ZNF496: variants seen among roughly 807,000 people sequenced by gnomAD.
The protein encoded by ZNF496 is NSD1 (nuclear receptor binding SET-domain containing 1)-interacting zinc finger protein 1.
In ZNF496, 11 loss-of-function variants were observed where a neutral mutation model predicts 58.9. That is an observed-to-expected ratio of 0.19 (90% confidence interval 0.12 to 0.31). The LOEUF (loss-of-function observed/expected upper bound fraction) is 0.31, where lower values mean the gene tolerates loss of function less well. Ranked by LOEUF, ZNF496 falls within the 10% of genes least tolerant of loss-of-function variation. The probability of loss-of-function intolerance (pLI) is 1.00; values close to 1 mark genes in which losing one functional copy is unlikely to be tolerated. For synonymous variants in ZNF496, 338 were observed against 318.2 expected (o/e 1.06, Z -0.66); for missense variants, 660 against 783.0 (o/e 0.84, Z 1.88).
At position 247,309,374 on chromosome 1, in the gene ZNF496, A is replaced by G. The variant is rs146950883; in HGVS notation, c.892+325T>C. 4.4e-6 allele frequency: 5 copies of G among 1,149,126 alleles called. No individual in the cohort carries two copies. The highest frequency in any genetic ancestry group is 2.5e-5 in the South Asian group (1 of 39,582). 71.2% of individuals were successfully genotyped at this position (1,149,126 alleles called of 1,614,324 possible). A position where few individuals can be genotyped will look rare whatever the true frequency, so the allele number is the denominator to read the frequency against. On this transcript the variant is annotated intron_variant, in intron 8 of 9. Coordinates refer to ENST00000682384, the MANE Select transcript of ZNF496 (RefSeq NM_032752.3). This position sits in a 1 kb window ranked among gnomAD's most constrained non-coding sequence, Gnocchi z 4.3. ...CACTCCCTCTGCAACTAGGCTTGTC[A>G]TGAGTATCTGACTTCACTCCTGGAG...
Position 247,300,448 on chromosome 1 carries a change from T to G in ZNF496, c.*71A>C, listed in dbSNP as rs1005743808. 7 of 1,489,370 alleles carry G rather than the reference T, an allele frequency of 4.7e-6. No homozygotes were observed. In the South Asian group the frequency reaches 8.0e-5, roughly 17 times the overall value. 92.3% of individuals were successfully genotyped at this position (1,489,370 alleles called of 1,614,324 possible). ...TATCCTGGGGAAGGTATGTCCTGGG[T>G]GGGGGCGCTGATCAGTACCAAGGTG... On this transcript the variant is annotated 3_prime_UTR_variant, in exon 10 of 10. Coordinates refer to ENST00000682384, the MANE Select transcript of ZNF496 (RefSeq NM_032752.3). This position sits in a 1 kb window ranked among gnomAD's most constrained non-coding sequence, Gnocchi z 5.7.
chr1:247,324,871 C>T (rs1660074670), intron 5 of ZNF496, among the ~76,000 whole-genome samples: 1 of 152,194 alleles, frequency 6.6e-6, no homozygotes, highest in South Asian at 2.1e-4. Flanking sequence ...GGGACCATCT[C>T]ACCAGCCTTA....
At chr1:247,331,091 C>T (rs965713999) in intron 2 of ZNF496, among the ~76,000 whole-genome samples, 1 of 152,184 alleles carries the variant, frequency 6.6e-6, no homozygotes, top group Admixed American at 6.5e-5. Flanking sequence ...CCTGCAGCGC[C>T]CAGGACTACT....
Position 247,329,838 on chromosome 1 carries a change from T to C in ZNF496, c.-38+128A>G. The C allele has an allele frequency of 2.5e-6, 1 of 407,126 alleles. No individual in the cohort carries two copies. Among genetic ancestry groups the C allele is most frequent in the Non-Finnish European group, 4.3e-6 (1 of 232,140 alleles). 25.2% of individuals were successfully genotyped at this position (407,126 alleles called of 1,614,324 possible). A position where few individuals can be genotyped will look rare whatever the true frequency, so the allele number is the denominator to read the frequency against. On this transcript the variant is annotated intron_variant, in intron 3 of 9. Coordinates refer to ENST00000682384, the MANE Select transcript of ZNF496 (RefSeq NM_032752.3). This position sits in a 1 kb window ranked among gnomAD's most constrained non-coding sequence, Gnocchi z 5.5. ...CCATTACGTGTGGATTCCCGTTAAG[T>C]GGGTGACTGGATGAACAAGACAGGA... is the stretch of plus-strand genomic sequence containing the variant.
At chr1:247,321,705 T>C (rs1027578224) in intron 6 of ZNF496, among the ~76,000 whole-genome samples, 1 of 152,194 alleles carries the variant, frequency 6.6e-6, no homozygotes, top group African/African-American at 2.4e-5. Context: ...ACTGCAGGAA[T>C]TGAAAGATGA....
chr1:247,330,582 C>T (rs1432302833), intron 2 of ZNF496, among the ~76,000 whole-genome samples: 1 of 152,252 alleles, frequency 6.6e-6, no homozygotes. Context: ...TTTGCCACAA[C>T]TAGGGTGGCA....
chr1:247,329,455 G>A lies in ZNF496; in HGVS notation c.124C>T (p.Arg42Trp), dbSNP rs370734357. Residue 42 changes from arginine (R) to tryptophan (W), a missense_variant, in exon 4 of 10, where the codon CGG becomes TGG. Transcript: ENST00000682384. The surrounding 1 kb of genome is among the most constrained non-coding windows in gnomAD (Gnocchi z 5.5). The stretch of plus-strand genomic sequence containing the variant: ...TAGCGGAAACGGCGGAAGAGACGCC[G>A]AGAGGACTCGGGGCTGGGAAGCTCC... ...QGELPSPESS[R>W]RLFRRFRYQE... The A allele has an allele frequency of 2.9e-5, 47 of 1,612,262 alleles. No homozygotes were observed. The highest frequency in any genetic ancestry group is 1.7e-4 in the Middle Eastern group (1 of 5,904).
Position 247,308,659 on chromosome 1 carries a change from G to A in ZNF496, c.893-71C>T, listed in dbSNP as rs1317884095. The A allele has an allele frequency of 1.8e-5, 25 of 1,413,962 alleles. No homozygotes were observed. The Admixed American group carries it at 2.9e-4, about 16-fold the overall frequency. 87.6% of individuals were successfully genotyped at this position (1,413,962 alleles called of 1,614,324 possible). A position where few individuals can be genotyped will look rare whatever the true frequency, so the allele number is the denominator to read the frequency against. ...AGCACTACCTGGGAGGGTGCTATCC[G>A]AATAGATGCCAGGCTACGATCTGGG... is the stretch of plus-strand genomic sequence containing the variant. On this transcript the variant is annotated intron_variant, in intron 8 of 9. Coordinates refer to ENST00000682384, the MANE Select transcript of ZNF496 (RefSeq NM_032752.3). This position sits in a 1 kb window ranked among gnomAD's most constrained non-coding sequence, Gnocchi z 4.5.
intron 6 of ZNF496, among the ~76,000 whole-genome samples, chr1:247,318,130 GAAGA>G (rs1458595010): frequency 6.6e-6 from 1 of 152,186 alleles, no homozygotes; most frequent in Non-Finnish European, 1.5e-5. Flanking sequence ...GGAGGGGACA[GAAGA>G]AAGACTCAGT....
At position 247,309,113 on chromosome 1, in the gene ZNF496, G is replaced by A. The variant is rs1297716848; in HGVS notation, c.893-525C>T. 5.9e-6 allele frequency: 1 copy of A among 168,228 alleles called. No homozygotes were observed. Among genetic ancestry groups the A allele is most frequent in the African/African-American group, 2.4e-5 (1 of 41,632 alleles). 10.4% of individuals were successfully genotyped at this position (168,228 alleles called of 1,614,324 possible). ...GGGAAGAAGGTGTGGAGCTGCTGAT[G>A]ATTCTGTACAAAGCTATTTCCTCCT... On this transcript the variant is annotated intron_variant, in intron 8 of 9. Coordinates refer to ENST00000682384, the MANE Select transcript of ZNF496 (RefSeq NM_032752.3). The surrounding 1 kb of genome is among the most constrained non-coding windows in gnomAD (Gnocchi z 4.3).
chr1:247,304,401 C>T (rs527500114), intron 9 of ZNF496, among the ~76,000 whole-genome samples: 7 of 145,198 alleles, frequency 4.8e-5, no homozygotes, highest in Non-Finnish European at 7.5e-5. Flanking sequence ...GATGGGGTTT[C>T]GCTCTTGCTG....
intron 6 of ZNF496, among the ~76,000 whole-genome samples, chr1:247,316,084 G>A (rs933869202): frequency 1.3e-5 from 2 of 151,592 alleles, no homozygotes; most frequent in African/African-American, 4.8e-5. Context: ...TTGCCCCAGT[G>A]ACAAAAAATA....
chr1:247,316,243 G>A (rs1348633211), intron 6 of ZNF496, among the ~76,000 whole-genome samples: 2 of 151,226 alleles, frequency 1.3e-5, no homozygotes, highest in Admixed American at 6.6e-5. Context: ...GTGTGAGCGC[G>A]CGCAGTGGGG....
rs1345719684 is a variant in ZNF496 at position 247,298,665 on chromosome 1, C to G, written c.*1854G>C. The G allele has an allele frequency of 6.6e-6, 1 of 152,296 alleles. No homozygotes were observed. The highest frequency in any genetic ancestry group is 1.5e-5 in the Non-Finnish European group (1 of 68,120). 9.4% of individuals were successfully genotyped at this position (152,296 alleles called of 1,614,324 possible). A position where few individuals can be genotyped will look rare whatever the true frequency, so the allele number is the denominator to read the frequency against. On this transcript the variant is annotated 3_prime_UTR_variant, in exon 10 of 10. Coordinates refer to ENST00000682384, the MANE Select transcript of ZNF496 (RefSeq NM_032752.3). Reference sequence around the variant, plus strand: ...CGTGAGTGACAAGGAGCACCAGGAGCCTTGCCTGACTTACTGTCTGTTGGT... The same window carrying G: ...CGTGAGTGACAAGGAGCACCAGGAGGCTTGCCTGACTTACTGTCTGTTGGT...
chr1:247,320,261 G>T (rs1659917948), intron 6 of ZNF496, among the ~76,000 whole-genome samples: 1 of 152,204 alleles, frequency 6.6e-6, no homozygotes, highest in African/African-American at 2.4e-5. Context: ...TAAACGAACT[G>T]TTGGACTTCC....
chr1:247,331,193 A>C (rs1302474693), intron 2 of ZNF496, among the ~76,000 whole-genome samples: 1 of 152,198 alleles, frequency 6.6e-6, no homozygotes, highest in Non-Finnish European at 1.5e-5. Flanking sequence ...TCACGGCGGC[A>C]CCTGGCGCGT....
Position 247,300,369 on chromosome 1 carries a change from C to T in ZNF496, c.*150G>A. The T allele has an allele frequency of 1.3e-6, 1 of 771,900 alleles. No homozygotes were observed. The highest frequency in any genetic ancestry group is 1.9e-6 in the Non-Finnish European group (1 of 520,510). The allele number at this position is 771,900 out of a possible 1,614,324, so 47.8% of individuals were successfully genotyped here. A position where few individuals can be genotyped will look rare whatever the true frequency, so the allele number is the denominator to read the frequency against. Reference sequence around the variant, plus strand: ...TGGGGGAGGGAGAGTGCTCCCATGGCACCACCCGAACGCTCACTACCTGAG... The same window carrying T: ...TGGGGGAGGGAGAGTGCTCCCATGGTACCACCCGAACGCTCACTACCTGAG... On this transcript the variant is annotated 3_prime_UTR_variant, in exon 10 of 10. Transcript: ENST00000682384. This position sits in a 1 kb window ranked among gnomAD's most constrained non-coding sequence, Gnocchi z 5.7.
At chr1:247,317,785 C>T (rs1046331693) in intron 6 of ZNF496, among the ~76,000 whole-genome samples, 5 of 152,118 alleles carry the variant, frequency 3.3e-5, no homozygotes, top group Admixed American at 6.6e-5. Context: ...CCAGCCACAC[C>T]GAAGTTAAGG....
In ZNF496 at chr1:247,327,150, C is replaced by T. The variant is rs182295340; in HGVS notation, c.574+1533G>A. On this transcript the variant is annotated intron_variant, in intron 5 of 9. Transcript: ENST00000682384. ...CGTGATCTCAGCTCACTGCAATCTC[C>T]GCCTCCCAGGTTCAAGTGATTCTCC... Among the ~76,000 whole-genome samples the T allele has an allele frequency of 9.3e-4, 141 of 152,206 alleles. 1 individual carries two copies. The highest frequency in any genetic ancestry group is 1.6e-3 in the Non-Finnish European group (106 of 68,014).
Sources: gnomAD v4.1 joint callset for allele counts (sites outside exome capture counted in the v4.1 genomes callset) on GRCh38, gnomAD v4.1.1 for gene constraint, Gnocchi (gnomAD v3.1) non-coding constraint, MANE v1.5 for transcripts, NCBI Gene and HGNC (gene_info 2026-07-23, HGNC 2026-07-21) for gene names.